Variants in NBR1 observed in about 807,000 individuals in gnomAD.
NBR1 encodes NBR1 autophagy cargo receptor.
NBR1 carries 59 observed loss-of-function variants against 115.5 expected under a neutral mutation model. The observed-to-expected ratio is 0.51, with a 90% CI of 0.41 to 0.63. The LOEUF (loss-of-function observed/expected upper bound fraction) is 0.63, where lower values mean the gene tolerates loss of function less well. Ranked by LOEUF, NBR1 falls within the 30% of genes least tolerant of loss-of-function variation. The pLI is 0.00. For synonymous variants in NBR1, 373 were observed against 414.7 expected (o/e 0.90, Z 1.22); for missense variants, 1,043 against 1,150.5 (o/e 0.91, Z 1.35).
chr17:43,206,400 G>A, intron 20 of NBR1, among the ~76,000 whole-genome samples: 1 of 152,112 alleles, frequency 6.6e-6, no homozygotes, highest in African/African-American at 2.4e-5. Flanking sequence ...GCTCATGCCT[G>A]TAATCCCAGC....
chr17:43,198,649 C>A (rs1386189279), intron 16 of NBR1, among the ~76,000 whole-genome samples: 1 of 147,506 alleles, frequency 6.8e-6, no homozygotes, highest in Non-Finnish European at 1.5e-5. Flanking sequence ...GAGACTCCGT[C>A]TAAAAAAAAA....
intron 10 of NBR1, among the ~76,000 whole-genome samples, chr17:43,192,221 T>A (rs1597992033): frequency 6.7e-6 from 1 of 149,236 alleles, no homozygotes; most frequent in African/African-American, 2.5e-5. Flanking sequence ...TGGGGTTTCA[T>A]CCTGTTGGTC....
chr17:43,185,252 C>T lies in NBR1; in HGVS notation c.208-998C>T, dbSNP rs149522715. ...TTAATAACAAAACCAAGTTCATGACCGGCCTGGGTAATGTATGACAAAAAA... is the reference window on the plus strand; with the variant it reads ...TTAATAACAAAACCAAGTTCATGACTGGCCTGGGTAATGTATGACAAAAAA... On this transcript the variant is annotated intron_variant, in intron 5 of 20. Transcript: ENST00000590996. Among the ~76,000 whole-genome samples, 285 of 152,124 alleles carry T rather than the reference C, an allele frequency of 1.9e-3. 1 individual carries two copies. Among genetic ancestry groups the T allele is most frequent in the African/African-American group, 6.4e-3 (265 of 41,516 alleles).
At chr17:43,183,919 C>T (rs574463619) in intron 5 of NBR1, among the ~76,000 whole-genome samples, 97 of 152,340 alleles carry the variant, frequency 6.4e-4, no homozygotes, top group African/African-American at 2.2e-3. Flanking sequence ...CTCAGCCTCC[C>T]AAAGTGCTGG....
At chr17:43,178,604 T>G (rs2056586030) in intron 3 of NBR1, among the ~76,000 whole-genome samples, 1 of 151,990 alleles carries the variant, frequency 6.6e-6, no homozygotes, top group Non-Finnish European at 1.5e-5. Flanking sequence ...CTCGAACTCC[T>G]GGGCTCAAGC....
At position 43,191,446 on chromosome 17, in the gene NBR1, A is replaced by T; in HGVS notation, c.938A>T (p.Lys313Ile). Residue 313 changes from lysine (K) to isoleucine (I), a missense_variant, in exon 10 of 21, where the codon AAA becomes ATA. Physicochemically the swap from Lys to Ile is moderately radical, Grantham distance 102 (BLOSUM62 -3). Coordinates refer to ENST00000590996, the MANE Select transcript of NBR1 (RefSeq NM_005899.5). ...QRLRAEKKQR[K>I]AEVKELKKQL... The stretch of plus-strand genomic sequence containing the variant: ...TTGCGAGCTGAGAAGAAACAACGTA[A>T]AGCAGAGGTCAAGGAACTTAAAAAG... 6.2e-7 allele frequency: 1 copy of T among 1,613,460 alleles called. No individual in the cohort carries two copies. The highest frequency in any genetic ancestry group is 8.5e-7 in the Non-Finnish European group (1 of 1,179,652).
chr17:43,190,895 C>A, intron 9 of NBR1, 119 bp downstream of exon 9: 2 of 996,834 alleles, frequency 2.0e-6, no homozygotes, highest in Non-Finnish European at 2.8e-6. Flanking sequence ...AATTGATGTG[C>A]AATAATGAAG....
chr17:43,189,524 A>G lies in NBR1; in HGVS notation c.481-64A>G, dbSNP rs2056893447. 2.6e-6 allele frequency: 3 copies of G among 1,151,990 alleles called. No individual in the cohort carries two copies. In the East Asian group the frequency reaches 7.1e-5, roughly 27 times the overall value. The allele number at this position is 1,151,990 out of a possible 1,614,324, so 71.4% of individuals were successfully genotyped here. On this transcript the variant is annotated intron_variant, in intron 7 of 20. Transcript: ENST00000590996. ...ACAGTTAGGTTTCAGATCTATTGAT[A>G]TCTTCACATTTTTTTCTGATATTGG...
At position 43,210,271 on chromosome 17, in the gene NBR1, A is replaced by G; in HGVS notation, c.*197A>G. The G allele has an allele frequency of 4.7e-6, 2 of 425,742 alleles. No homozygotes were observed. The highest frequency in any genetic ancestry group is 8.1e-6 in the Non-Finnish European group (2 of 247,348). 26.4% of individuals were successfully genotyped at this position (425,742 alleles called of 1,614,324 possible). On this transcript the variant is annotated 3_prime_UTR_variant, in exon 21 of 21. Transcript: ENST00000590996. ...ACCAGAACTTAAATTTTCACTTTAG[A>G]CATTGGATGAATAGTATGAAGACAG...
chr17:43,190,358 C>T (rs898867288), intron 8 of NBR1: 10 of 469,778 alleles, frequency 2.1e-5, no homozygotes, highest in Non-Finnish European at 3.5e-5. Context: ...AGACATGAGC[C>T]ACTGTGCCTG....
intron 20 of NBR1, among the ~76,000 whole-genome samples, chr17:43,204,903 G>T (rs1239067116): frequency 6.6e-6 from 1 of 151,820 alleles, no homozygotes; most frequent in Non-Finnish European, 1.5e-5. Context: ...AGCACCGGAG[G>T]TTGAGGCTGC....
At chr17:43,183,083 G>A (rs2056713337) in intron 5 of NBR1, among the ~76,000 whole-genome samples, 2 of 149,906 alleles carry the variant, frequency 1.3e-5, no homozygotes, top group South Asian at 4.2e-4. Flanking sequence ...TTTTGAGACA[G>A]GGTTTTACCA....
chr17:43,202,772 G>A, intron 19 of NBR1, 60 bp downstream of exon 19: 1 of 1,328,058 alleles, frequency 7.5e-7, no homozygotes, highest in Non-Finnish European at 1.1e-6. Context: ...TATTCCTTCT[G>A]CTTAAAAGAG....
At chr17:43,175,327 C>T (rs1475615949) in intron 1 of NBR1, among the ~76,000 whole-genome samples, 2 of 152,118 alleles carry the variant, frequency 1.3e-5, no homozygotes, top group African/African-American at 4.8e-5. Context: ...AATACAAGTT[C>T]CCTGAGGGCA....
intron 5 of NBR1, among the ~76,000 whole-genome samples, chr17:43,183,319 C>G (rs973646382): frequency 1.3e-5 from 2 of 151,776 alleles, no homozygotes; most frequent in East Asian, 1.9e-4. Context: ...CTCCCGGGTT[C>G]AAGCAGTTCT....
chr17:43,187,244 G>A lies in NBR1; in HGVS notation c.402+800G>A, dbSNP rs544391069. ...CCCAGGCTGTGGAGTGCAGTGGCGCGATCTCGGCTTATTGCAAGCTCTGCC... is the reference window on the plus strand; with the variant it reads ...CCCAGGCTGTGGAGTGCAGTGGCGCAATCTCGGCTTATTGCAAGCTCTGCC... On this transcript the variant is annotated intron_variant, in intron 6 of 20. Coordinates refer to ENST00000590996, the MANE Select transcript of NBR1 (RefSeq NM_005899.5). 3.3e-5 allele frequency among the ~76,000 whole-genome samples: 5 copies of A among 152,106 alleles called. No individual in the cohort carries two copies. The South Asian group carries it at 8.3e-4, about 25-fold the overall frequency.
Position 43,203,710 on chromosome 17 carries a change from G to C in NBR1, c.2651G>C (p.Gly884Ala). The C allele has an allele frequency of 6.2e-7, 1 of 1,610,498 alleles. No homozygotes were observed. Among genetic ancestry groups the C allele is most frequent in the Non-Finnish European group, 8.5e-7 (1 of 1,178,178 alleles). The change falls in exon 20 of 21, where the codon GGA (glycine) becomes GCA (alanine). Residue 884 changes from glycine (G) to alanine (A), a missense_variant. Physicochemically the swap from Gly to Ala is moderately conservative, Grantham distance 60. Coordinates refer to ENST00000590996, the MANE Select transcript of NBR1 (RefSeq NM_005899.5). The part of the protein sequence containing the change: ...RHHHGSSIAG[G>A]LVKGALSVAA... ...CATCATGGGAGCAGCATTGCTGGAG[G>C]ACTGGTGAAGGGGGCTTTGTCTGTT... is the stretch of plus-strand genomic sequence containing the variant.
intron 20 of NBR1, chr17:43,209,601 C>T (rs1302971145): frequency 6.5e-7 from 1 of 1,535,480 alleles, no homozygotes; most frequent in African/African-American, 1.4e-5. Context: ...CCAAAAAATG[C>T]TTCTTCCTGA....
intron 16 of NBR1, among the ~76,000 whole-genome samples, chr17:43,197,454 G>C (rs1567861974): frequency 6.6e-6 from 1 of 151,642 alleles, no homozygotes; most frequent in Non-Finnish European, 1.5e-5. Flanking sequence ...GGGAGGCGGA[G>C]CTTGCAGTGA....
Sources: allele counts gnomAD v4.1 joint callset (sites outside exome capture counted in the v4.1 genomes callset), GRCh38; gene constraint gnomAD v4.1.1; transcripts MANE v1.5; gene names NCBI Gene and HGNC (gene_info 2026-07-23, HGNC 2026-07-21).